Variants in ITGA1 observed in about 807,000 individuals in gnomAD.
ITGA1 encodes the protein integrin subunit alpha 1.
ITGA1 carries 85 observed loss-of-function variants against 145.9 expected under a neutral mutation model. That is an observed-to-expected ratio of 0.58 (90% CI 0.49 to 0.70). The LOEUF (loss-of-function observed/expected upper bound fraction) is 0.70, where lower values mean the gene tolerates loss of function less well. Among genes scored for constraint, ITGA1 ranks in the 30% least tolerant of loss-of-function variants. The probability of loss-of-function intolerance (pLI) is 0.00; values close to 1 mark genes in which losing one functional copy is unlikely to be tolerated. For synonymous variants in ITGA1, 520 were observed against 495.3 expected, an observed-to-expected ratio of 1.05 and a Z score of -0.66; for missense variants, 1,351 against 1,418.7, an observed-to-expected ratio of 0.95 and a Z score of 0.77.
At chr5:52,912,736 G>GTA (rs1243209623) in intron 14 of ITGA1, among the ~76,000 whole-genome samples, 18 of 104,928 alleles carry the variant, frequency 1.7e-4, no homozygotes, top group South Asian at 2.8e-4. Context: ...GTGTGTGTGT[G>GTA]TGTGTATATA....
chr5:52,791,847 G>T (rs1195710561), intron 1 of ITGA1, among the ~76,000 whole-genome samples: 1 of 152,080 alleles, frequency 6.6e-6, no homozygotes, highest in Non-Finnish European at 1.5e-5. Flanking sequence ...GTATTAAGAA[G>T]TTAATTTCAT....
chr5:52,904,714 G>C (rs1256916039), intron 11 of ITGA1: 1 of 152,154 alleles, frequency 6.6e-6, no homozygotes, highest in Admixed American at 6.5e-5. Context: ...TTAGCCAGGC[G>C]TGGTGGCGGG....
At chr5:52,907,751 A>G (rs1750434336) in intron 12 of ITGA1, among the ~76,000 whole-genome samples, 1 of 152,216 alleles carries the variant, frequency 6.6e-6, no homozygotes, top group Non-Finnish European at 1.5e-5. Flanking sequence ...GGTGGGAACC[A>G]TGGCCCTGGG....
chr5:52,927,691 A>G (rs747319511), intron 20 of ITGA1, 27 bp downstream of exon 20: 5 of 1,392,896 alleles, frequency 3.6e-6, no homozygotes, highest in Non-Finnish European at 5.1e-6. Context: ...AAATACATGT[A>G]GAAATTGAAT....
intron 1 of ITGA1, among the ~76,000 whole-genome samples, chr5:52,805,664 T>C (rs1448493856): frequency 1.3e-5 from 2 of 152,126 alleles, no homozygotes; most frequent in East Asian, 3.9e-4. Flanking sequence ...AAAGATTTTT[T>C]CAGGATTCCC....
intron 2 of ITGA1, among the ~76,000 whole-genome samples, chr5:52,851,262 G>A (rs1236271457): frequency 6.6e-6 from 1 of 152,102 alleles, no homozygotes; most frequent in African/African-American, 2.4e-5. Flanking sequence ...AAAATCTGAT[G>A]TCAGAAGTCC....
chr5:52,868,009 A>G (rs1356033726), intron 6 of ITGA1, among the ~76,000 whole-genome samples: 3 of 152,014 alleles, frequency 2.0e-5, no homozygotes, highest in South Asian at 4.1e-4. Context: ...AGGCTTGGCA[A>G]TGACTCACTG....
intron 1 of ITGA1, among the ~76,000 whole-genome samples, chr5:52,836,111 G>T (rs1580054630): frequency 6.6e-6 from 1 of 152,106 alleles, no homozygotes; most frequent in Non-Finnish European, 1.5e-5. Flanking sequence ...TCATGAACTA[G>T]AAATGGCCAG....
intron 1 of ITGA1, among the ~76,000 whole-genome samples, chr5:52,789,761 C>G (rs1006299561): frequency 1.3e-5 from 2 of 152,148 alleles, no homozygotes; most frequent in African/African-American, 4.8e-5. Flanking sequence ...TGTGCAAAAT[C>G]TGAATACAGT....
chr5:52,924,245 G>A (rs1046847654), intron 18 of ITGA1, among the ~76,000 whole-genome samples: 3 of 152,162 alleles, frequency 2.0e-5, no homozygotes, highest in South Asian at 4.1e-4. Context: ...GTAGTAATTA[G>A]AGCATATGCT....
intron 6 of ITGA1, among the ~76,000 whole-genome samples, chr5:52,871,400 G>C (rs1749773323): frequency 6.6e-6 from 1 of 152,092 alleles, no homozygotes; most frequent in Admixed American, 6.5e-5. Context: ...TGAAGGACTG[G>C]TGGGCCACAA....
chr5:52,816,082 C>T (rs1748763417), intron 1 of ITGA1, among the ~76,000 whole-genome samples: 1 of 152,102 alleles, frequency 6.6e-6, no homozygotes, highest in Admixed American at 6.5e-5. Context: ...GAAGTTTCCT[C>T]ACCTGCAAAC....
intron 2 of ITGA1, among the ~76,000 whole-genome samples, chr5:52,860,824 G>C (rs1561229612): frequency 6.6e-6 from 1 of 152,202 alleles, no homozygotes; most frequent in Non-Finnish European, 1.5e-5. Flanking sequence ...ATTAATTACT[G>C]TTAGAATGGT....
At chr5:52,885,849 G>C (rs1579697541) in intron 7 of ITGA1, among the ~76,000 whole-genome samples, 1 of 152,176 alleles carries the variant, frequency 6.6e-6, no homozygotes, top group African/African-American at 2.4e-5. Flanking sequence ...GTTAGTTGCA[G>C]TTTCTAATTG....
intron 20 of ITGA1, among the ~76,000 whole-genome samples, chr5:52,928,518 TACG>T (rs1193478209): frequency 1.3e-5 from 2 of 152,224 alleles, no homozygotes; most frequent in Non-Finnish European, 2.9e-5. Context: ...GTACAGTCAT[TACG>T]ACAATTGATT....
At chr5:52,922,290 G>T (rs1750742525) in intron 17 of ITGA1, among the ~76,000 whole-genome samples, 1 of 129,948 alleles carries the variant, frequency 7.7e-6, no homozygotes, top group African/African-American at 3.2e-5. Context: ...GACAGAGAGA[G>T]ACTCTGTCTC....
At chr5:52,871,637 GGGAA>G (rs57115294) in intron 6 of ITGA1, among the ~76,000 whole-genome samples, 1 of 151,008 alleles carries the variant, frequency 6.6e-6, no homozygotes, top group South Asian at 2.1e-4. Context: ...AAAGGAAAGG[GGGAA>G]GGAAGGAAGG....
intron 1 of ITGA1, among the ~76,000 whole-genome samples, chr5:52,826,593 A>C (rs1459284066): frequency 1.3e-5 from 2 of 152,236 alleles, no homozygotes; most frequent in Non-Finnish European, 2.9e-5. Context: ...TCAAAGCTTC[A>C]AAGGACAGGC....
At chr5:52,865,305 T>G (rs1032371790) in intron 5 of ITGA1, among the ~76,000 whole-genome samples, 7 of 152,230 alleles carry the variant, frequency 4.6e-5, no homozygotes. Flanking sequence ...TTAAACATCA[T>G]AGATAAAGCT....
Sources: gnomAD v4.1 joint callset for allele counts (sites outside exome capture counted in the v4.1 genomes callset) on GRCh38, gnomAD v4.1.1 for gene constraint, MANE v1.5 for transcripts, NCBI Gene and HGNC (gene_info 2026-07-23, HGNC 2026-07-21) for gene names.